PTPRD: variants seen among roughly 807,000 people sequenced by gnomAD.
PTPRD encodes the protein protein tyrosine phosphatase receptor type D.
A neutral mutation model predicts 214.5 loss-of-function variants in PTPRD; 34 were observed. The observed-to-expected ratio is 0.16, with a 90% CI of 0.12 to 0.21. The LOEUF (loss-of-function observed/expected upper bound fraction) is 0.21. Among genes scored for constraint, PTPRD ranks in the 10% least tolerant of loss-of-function variants. The probability of loss-of-function intolerance (pLI) is 1.00; values close to 1 mark genes in which losing one functional copy is unlikely to be tolerated. For synonymous variants in PTPRD, 1,128 were observed against 845.7 expected (o/e 1.33, Z -5.79); for missense variants, 2,545 against 2,398.7 (o/e 1.06, Z -1.27).
chr9:9,561,836 T>C (rs140282340), intron 8 of PTPRD, among the ~76,000 whole-genome samples: 2,463 of 152,298 alleles, frequency 0.016, 38 homozygotes, highest in Admixed American at 0.025. Context: ...TGGTTCCTTC[T>C]CCTTCCAAGC....
At chr9:9,062,685 T>G (rs183045710) in intron 10 of PTPRD, among the ~76,000 whole-genome samples, 1 of 152,282 alleles carries the variant, frequency 6.6e-6, no homozygotes, top group East Asian at 1.9e-4. Context: ...GGGTAAATAA[T>G]TATACCAATA....
intron 2 of PTPRD, among the ~76,000 whole-genome samples, chr9:10,528,049 C>G (rs893146581): frequency 2.6e-5 from 4 of 152,084 alleles, no homozygotes; most frequent in Non-Finnish European, 4.4e-5. Context: ...AAAACCTCAA[C>G]AAGGATTCTT....
intron 4 of PTPRD, among the ~76,000 whole-genome samples, chr9:10,011,573 T>C (rs2096600787): frequency 3.9e-5 from 6 of 152,002 alleles, no homozygotes; most frequent in Admixed American, 3.9e-4. Context: ...ATGCCTTCCC[T>C]GCTGATAAAT....
At chr9:9,592,391 C>G (rs893013670) in intron 7 of PTPRD, among the ~76,000 whole-genome samples, 7 of 152,008 alleles carry the variant, frequency 4.6e-5, no homozygotes. Context: ...GTTTCTTCCT[C>G]CATGTATGCT....
intron 9 of PTPRD, among the ~76,000 whole-genome samples, chr9:9,360,630 G>C (rs1246774959): frequency 6.6e-6 from 1 of 150,924 alleles, no homozygotes; most frequent in Non-Finnish European, 1.5e-5. Flanking sequence ...TTATTTAGTA[G>C]CAAAAATAAC....
At chr9:9,450,128 G>A (rs1212131820) in intron 8 of PTPRD, among the ~76,000 whole-genome samples, 2 of 151,012 alleles carry the variant, frequency 1.3e-5, no homozygotes, top group Admixed American at 6.6e-5. Context: ...GTCTGTGTGT[G>A]TGTGTGTGTG....
In PTPRD at chr9:9,293,244, T is replaced by C. The variant is rs1951802283; in HGVS notation, c.-203+104205A>G. On this transcript the variant is annotated intron_variant, in intron 9 of 45. Coordinates refer to ENST00000381196, the MANE Select transcript of PTPRD (RefSeq NM_002839.4). ...CTATTTAATCATTAACATATGTCAG[T>C]ATGGATTCATGATTATTTATTTTAT... Among the ~76,000 whole-genome samples the C allele has an allele frequency of 2.6e-5, 4 of 151,624 alleles. No individual in the cohort carries two copies. The South Asian group carries it at 8.3e-4, about 31-fold the overall frequency.
chr9:9,802,382 C>T (rs2099046503), intron 5 of PTPRD, among the ~76,000 whole-genome samples: 1 of 151,800 alleles, frequency 6.6e-6, no homozygotes. Context: ...TAGCTTGCTC[C>T]CTGCCTCCTT....
At chr9:8,517,473 C>T (rs557235157) in intron 21 of PTPRD, among the ~76,000 whole-genome samples, 2 of 152,292 alleles carry the variant, frequency 1.3e-5, no homozygotes, top group East Asian at 1.9e-4. Context: ...TTGTCTTGAA[C>T]CATCCAATCT....
At chr9:10,035,181 T>C (rs532735914) in intron 3 of PTPRD, among the ~76,000 whole-genome samples, 1 of 152,280 alleles carries the variant, frequency 6.6e-6, no homozygotes, top group Admixed American at 6.5e-5. Context: ...GTGACTTTAA[T>C]TTGCATTTCT....
chr9:9,461,485 G>C (rs971191874), intron 8 of PTPRD, among the ~76,000 whole-genome samples: 4 of 152,056 alleles, frequency 2.6e-5, no homozygotes, highest in Non-Finnish European at 5.9e-5. Flanking sequence ...ATAAAGAAAT[G>C]AGAGAACATG....
chr9:9,097,611 C>T (rs964348586), intron 10 of PTPRD, among the ~76,000 whole-genome samples: 2 of 151,800 alleles, frequency 1.3e-5, no homozygotes, highest in African/African-American at 2.4e-5. Flanking sequence ...AGGGTTTCAC[C>T]GTGTCAGCCA....
chr9:8,489,534 T>C (rs1051817904), intron 27 of PTPRD, among the ~76,000 whole-genome samples: 1 of 152,162 alleles, frequency 6.6e-6, no homozygotes, highest in Non-Finnish European at 1.5e-5. Context: ...AATGAATGCT[T>C]ATGCAGCTTG....
chr9:8,536,692 G>A lies in PTPRD; in HGVS notation c.353-7913C>T, dbSNP rs1417698379. On this transcript the variant is annotated intron_variant, in intron 14 of 45. Transcript: ENST00000381196. ...TACCTAGGAAGGGCTGAGAATGGCG[G>A]GCCTTCTGCCATGAGCAGGCACCAA... Among the ~76,000 whole-genome samples, 5 of 152,078 alleles carry A rather than the reference G, an allele frequency of 3.3e-5. No individual in the cohort carries two copies. The East Asian group carries it at 9.7e-4, about 29-fold the overall frequency.
intron 8 of PTPRD, among the ~76,000 whole-genome samples, chr9:9,424,362 G>C (rs1294175910): frequency 6.6e-6 from 1 of 152,172 alleles, no homozygotes; most frequent in African/African-American, 2.4e-5. Context: ...ACTAAAATGG[G>C]ATTTTGGAAT....
intron 4 of PTPRD, among the ~76,000 whole-genome samples, chr9:9,990,352 C>T (rs2095870559): frequency 6.6e-6 from 1 of 152,146 alleles, no homozygotes; most frequent in African/African-American, 2.4e-5. Context: ...TACGTTTGGC[C>T]CAGCCATCAG....
At position 8,500,558 on chromosome 9, in the gene PTPRD, G is replaced by GGAAAAAAAAAAAAAAAA. The variant is rs2097373754; in HGVS notation, c.2128+195_2128+196insTTTTTTTTTTTTTTTTC. Among the ~76,000 whole-genome samples the GGAAAAAAAAAAAAAAAA allele has an allele frequency of 6.2e-3, 89 of 14,314 alleles. 5 individuals are homozygous for GGAAAAAAAAAAAAAAAA. Among genetic ancestry groups the GGAAAAAAAAAAAAAAAA allele is most frequent in the East Asian group, 9.2e-3 (6 of 652 alleles). The allele number at this position is 14,314 out of a possible 152,430, so 9.4% of individuals were successfully genotyped here. Reference sequence around the variant, plus strand: ...TTACTGCATTGAGATTGAAAAAAATGAAAAAAAAAAAAAAAAAAAAAAAAA... The same window carrying GGAAAAAAAAAAAAAAAA: ...TTACTGCATTGAGATTGAAAAAAATGGAAAAAAAAAAAAAAAAAAAAAAAAAAAAAAAAAAAAAAAAA... On this transcript the variant is annotated intron_variant, in intron 24 of 45. Transcript: ENST00000381196.
chr9:9,119,531 C>A lies in PTPRD; in HGVS notation c.-143+63773G>T, dbSNP rs371170551. Among the ~76,000 whole-genome samples the A allele has an allele frequency of 1.4e-3, 217 of 150,648 alleles. 1 individual carries two copies. The highest frequency in any genetic ancestry group is 5.0e-3 in the African/African-American group (200 of 40,372). ...GATTAGATGACTACCAATTCAGATTCTGTGATTTTTTTTTTTTTTAAGAAG... is the reference window on the plus strand; with the variant it reads ...GATTAGATGACTACCAATTCAGATTATGTGATTTTTTTTTTTTTTAAGAAG... On this transcript the variant is annotated intron_variant, in intron 10 of 45. Coordinates refer to ENST00000381196, the MANE Select transcript of PTPRD (RefSeq NM_002839.4).
At chr9:10,366,116 T>C (rs2097510959) in intron 2 of PTPRD, among the ~76,000 whole-genome samples, 1 of 152,162 alleles carries the variant, frequency 6.6e-6, no homozygotes, top group Non-Finnish European at 1.5e-5. Context: ...AGGTGGTTTG[T>C]CTGACATGTG....
Sources: allele counts gnomAD v4.1 joint callset (sites outside exome capture counted in the v4.1 genomes callset), GRCh38; gene constraint gnomAD v4.1.1; transcripts MANE v1.5; gene names NCBI Gene and HGNC (gene_info 2026-07-23, HGNC 2026-07-21).